The following TIMM23 variants were observed in gnomAD, a reference collection of about 807,000 sequenced individuals.
The protein encoded by TIMM23 is mitochondrial import inner membrane translocase subunit Tim23.
Under a neutral mutation model 30.7 loss-of-function variants are expected in TIMM23, and 19 were observed. That is an observed-to-expected ratio of 0.62 (90% CI 0.43 to 0.91). TIMM23 has a LOEUF of 0.91. Ranked by LOEUF, TIMM23 falls within the 40% of genes least tolerant of loss-of-function variation. The pLI, the probability that TIMM23 is intolerant of heterozygous loss-of-function variation, is 0.00. For missense variants in TIMM23, 202 were observed against 269.2 expected, an observed-to-expected ratio of 0.75 and a Z score of 1.75; for synonymous variants, 78 against 98.5, an observed-to-expected ratio of 0.79 and a Z score of 1.23.
intron 2 of TIMM23, among the ~76,000 whole-genome samples, chr10:45,979,213 C>T (rs1239306758): frequency 6.6e-6 from 1 of 152,130 alleles, no homozygotes; most frequent in East Asian, 1.9e-4. Context: ...CTTGGTTGCA[C>T]GACTCTGAAT....
At chr10:45,979,403 CCTT>C (rs1293843070) in intron 2 of TIMM23, among the ~76,000 whole-genome samples, 18 of 152,086 alleles carry the variant, frequency 1.2e-4, no homozygotes, top group Middle Eastern at 3.2e-3. Context: ...CTCAAGCGGT[CCTT>C]CTGCCTCATC....
intron 6 of TIMM23, 127 bp downstream of exon 6, chr10:45,988,974 G>A (rs1838077689): frequency 8.5e-6 from 7 of 818,790 alleles, no homozygotes; most frequent in Non-Finnish European, 1.2e-5. Flanking sequence ...TGGTTATTTT[G>A]GTTTGGTTTG....
In TIMM23 at chr10:45,988,724, A is replaced by G. The variant is rs1838071710; in HGVS notation, c.404-13A>G. ...CACTGTTTTGTCACTGAGCACTTCC[A>G]TTTCCTCTTTAGCTTTGCTCTATAG... is the stretch of plus-strand genomic sequence containing the variant. On this transcript the variant is annotated splice_polypyrimidine_tract_variant and intron_variant, in intron 5 of 6. Coordinates refer to ENST00000580018, the MANE Select transcript of TIMM23 (RefSeq NM_006327.4). 4.3e-6 allele frequency: 7 copies of G among 1,613,586 alleles called. No homozygotes were observed. Among genetic ancestry groups the G allele is most frequent in the African/African-American group, 1.3e-5 (1 of 74,900 alleles).
chr10:45,984,652 C>G (rs76629909), intron 4 of TIMM23: 4 of 237,784 alleles, frequency 1.7e-5, no homozygotes, highest in African/African-American at 9.1e-5. Context: ...TTCCTGGGAT[C>G]ATGTTACACT....
chr10:45,995,941 T>C lies in TIMM23; in HGVS notation c.514+7094T>C, dbSNP rs1357004326. On this transcript the variant is annotated intron_variant, in intron 6 of 6. Coordinates refer to ENST00000580018, the MANE Select transcript of TIMM23 (RefSeq NM_006327.4). ...AATGCTACGTGATATTTGTGGTGGA[T>C]GAATTACTGAAAAACAGAATTCCTC... Among the ~76,000 whole-genome samples, 4 of 149,566 alleles carry C rather than the reference T, an allele frequency of 2.7e-5. No individual in the cohort carries two copies. In the East Asian group the frequency reaches 7.7e-4, roughly 29 times the overall value.
chr10:45,991,622 A>G (rs1590124165), intron 6 of TIMM23, among the ~76,000 whole-genome samples: 1 of 152,080 alleles, frequency 6.6e-6, no homozygotes, highest in African/African-American at 2.4e-5. Flanking sequence ...GTGGTGGCGC[A>G]TGCCTGAAAT....
intron 2 of TIMM23, among the ~76,000 whole-genome samples, chr10:45,977,772 C>T (rs1253711740): frequency 1.3e-5 from 2 of 152,284 alleles, no homozygotes; most frequent in South Asian, 2.1e-4. Flanking sequence ...TGGCTCATAC[C>T]TGTAATCCCA....
chr10:45,987,246 C>A (rs1489741487), intron 5 of TIMM23, among the ~76,000 whole-genome samples: 2 of 147,456 alleles, frequency 1.4e-5, no homozygotes, highest in Admixed American at 6.7e-5. Flanking sequence ...AAAAAAAAAA[C>A]AGTTTTTCCT....
chr10:45,983,717 G>A (rs1837916328), intron 4 of TIMM23, among the ~76,000 whole-genome samples: 1 of 152,116 alleles, frequency 6.6e-6, no homozygotes, highest in African/African-American at 2.4e-5. Flanking sequence ...GCTAGAATTA[G>A]ACCATGGGAA....
chr10:45,984,384 T>A (rs1484744547), intron 4 of TIMM23, among the ~76,000 whole-genome samples: 4 of 152,328 alleles, frequency 2.6e-5, no homozygotes, highest in Non-Finnish European at 4.4e-5. Context: ...TAAAACAAGT[T>A]ATTAAAATGC....
chr10:45,990,997 T>C (rs1229998995), intron 6 of TIMM23, among the ~76,000 whole-genome samples: 3 of 152,294 alleles, frequency 2.0e-5, no homozygotes, highest in African/African-American at 4.8e-5. Flanking sequence ...CTCCACATGC[T>C]CACACAGCTC....
chr10:45,979,507 G>C (rs1284600886), intron 2 of TIMM23, among the ~76,000 whole-genome samples: 1 of 149,052 alleles, frequency 6.7e-6, no homozygotes, highest in African/African-American at 2.5e-5. Flanking sequence ...GATCTGACTT[G>C]GTTGCCCAGG....
intron 6 of TIMM23, chr10:45,990,689 C>T (rs1838141661): frequency 2.4e-6 from 1 of 423,834 alleles, no homozygotes; most frequent in East Asian, 7.3e-5. Flanking sequence ...TCCCAAAGTG[C>T]TAGGATTGCA....
At chr10:45,989,544 G>C (rs1272371214) in intron 6 of TIMM23, among the ~76,000 whole-genome samples, 1 of 152,138 alleles carries the variant, frequency 6.6e-6, no homozygotes, top group Admixed American at 6.5e-5. Context: ...TTGACATTAA[G>C]AATATAAGAT....
intron 6 of TIMM23, among the ~76,000 whole-genome samples, chr10:45,991,695 G>A (rs1838166243): frequency 6.6e-6 from 1 of 151,876 alleles, no homozygotes. Flanking sequence ...AGGTTGCGGT[G>A]AGGCGAGATC....
At chr10:45,985,555 C>G (rs61849528) in intron 5 of TIMM23, 114 bp downstream of exon 5, 2 of 1,329,314 alleles carry the variant, frequency 1.5e-6, no homozygotes, top group East Asian at 4.6e-5. Context: ...TATGTTTAAA[C>G]CCATTCCAAT....
At chr10:45,985,708 A>G (rs1247149422) in intron 5 of TIMM23, among the ~76,000 whole-genome samples, 1 of 152,250 alleles carries the variant, frequency 6.6e-6, no homozygotes, top group Admixed American at 6.5e-5. Context: ...ACAACACCCA[A>G]TAAAATCATG....
intron 6 of TIMM23, chr10:45,990,692 G>A (rs1838141814): frequency 2.4e-6 from 1 of 423,516 alleles, no homozygotes; most frequent in Non-Finnish European, 4.6e-6. Flanking sequence ...CAAAGTGCTA[G>A]GATTGCAGAT....
At chr10:45,990,680 C>T (rs1838141226) in intron 6 of TIMM23, 1 of 425,772 alleles carries the variant, frequency 2.3e-6, no homozygotes, top group African/African-American at 2.1e-5. Context: ...GCCTCAGCCT[C>T]CCAAAGTGCT....
Sources: allele counts gnomAD v4.1 joint callset (sites outside exome capture counted in the v4.1 genomes callset), GRCh38; gene constraint gnomAD v4.1.1; transcripts MANE v1.5; gene names NCBI Gene and HGNC (gene_info 2026-07-23, HGNC 2026-07-21).